ZNF503: variants seen among roughly 807,000 people sequenced by gnomAD.
ZNF503 encodes zinc finger protein 503, also known as NocA-like zinc finger 2.
In ZNF503, 15 loss-of-function variants were observed where a neutral mutation model predicts 34.4. That is an observed-to-expected ratio of 0.44 (90% CI 0.29 to 0.67). The LOEUF is 0.67. Among genes scored for constraint, ZNF503 ranks in the 30% least tolerant of loss-of-function variants. The pLI, the probability that ZNF503 is intolerant of heterozygous loss-of-function variation, is 0.13. For synonymous variants in ZNF503, 580 were observed against 456.8 expected (o/e 1.27, Z -3.44); for missense variants, 1,007 against 926.8 (o/e 1.09, Z -1.12).
chr10:75,320,798 A>G, the ZNF503 span, among the ~76,000 whole-genome samples: 2 of 152,248 alleles, frequency 1.3e-5, no homozygotes, highest in Non-Finnish European at 2.9e-5. Context: ...CTACCATATT[A>G]ACAAGATAAA....
At position 75,399,301 on chromosome 10, in the gene ZNF503, C is replaced by T. The variant is rs199756253; in HGVS notation, c.1389G>A (p.Lys463=). Residue 463 remains lysine (K), a synonymous_variant, in exon 2 of 2, where the codon AAG becomes AAA. Coordinates refer to ENST00000372524, the MANE Select transcript of ZNF503 (RefSeq NM_032772.6). ...HDPAAAAAAL[K]SGYPLVYPTH... ...TGGGGTACACCAGCGGGTATCCGGA[C>T]TTCAGCGCCGCAGCCGCAGCAGCCG... 1,380 of 1,602,280 alleles carry T rather than the reference C, an allele frequency of 8.6e-4. 1 individual carries two copies. The highest frequency in any genetic ancestry group is 1.1e-3 in the Non-Finnish European group (1,323 of 1,175,956).
At chr10:75,396,253 G>A (rs1018275829), downstream of ZNF503, among the ~76,000 whole-genome samples, 2 of 152,204 alleles carry the variant, frequency 1.3e-5, no homozygotes, top group African/African-American at 4.8e-5. This position sits in a 1 kb window ranked among gnomAD's most constrained non-coding sequence, Gnocchi z 4.4. Flanking sequence ...GAGTGGGACC[G>A]GGGCCGCGGC....
chr10:75,280,519 T>C, the ZNF503 span, among the ~76,000 whole-genome samples: 1,253 of 151,690 alleles, frequency 8.3e-3, 12 homozygotes, highest in Middle Eastern at 0.017. Context: ...CTGGAGATGA[T>C]TGTGGTGGGC....
At chr10:75,329,417 TC>T in the ZNF503 span, among the ~76,000 whole-genome samples, 1 of 64,044 alleles carries the variant, frequency 1.6e-5, no homozygotes, top group African/African-American at 5.5e-5. Context: ...TTCCTTCCTT[TC>T]CTTCCTTCCT....
the ZNF503 span, among the ~76,000 whole-genome samples, chr10:75,355,036 G>T: frequency 1.3e-5 from 2 of 152,030 alleles, no homozygotes; most frequent in African/African-American, 2.4e-5. Context: ...GTAGAGACAG[G>T]GTTCCGCCAT....
chr10:75,297,278 T>C, the ZNF503 span, among the ~76,000 whole-genome samples: 2 of 152,114 alleles, frequency 1.3e-5, no homozygotes, highest in African/African-American at 4.8e-5. Context: ...CCCCCGACTC[T>C]AGCTAGGCTG....
the ZNF503 span, among the ~76,000 whole-genome samples, chr10:75,341,882 A>G: frequency 5.3e-5 from 8 of 152,220 alleles, no homozygotes; most frequent in Non-Finnish European, 8.8e-5. Flanking sequence ...GTTCCCACAC[A>G]CTGGGTCTGA....
chr10:75,320,560 G>GT, the ZNF503 span, among the ~76,000 whole-genome samples: 134 of 152,294 alleles, frequency 8.8e-4, no homozygotes, highest in African/African-American at 3.2e-3. Flanking sequence ...GCTTATGCCT[G>GT]TAATCCTAGC....
the ZNF503 span, among the ~76,000 whole-genome samples, chr10:75,294,434 C>T: frequency 1.3e-5 from 2 of 152,312 alleles, no homozygotes; most frequent in Admixed American, 6.5e-5. Context: ...GTTGGGCTTT[C>T]GATCCTAGTT....
the ZNF503 span, among the ~76,000 whole-genome samples, chr10:75,318,940 T>C: frequency 2.6e-5 from 4 of 151,656 alleles, no homozygotes; most frequent in East Asian, 3.9e-4. Context: ...CCTTCTTTCC[T>C]TCCTTCCCTC....
the ZNF503 span, among the ~76,000 whole-genome samples, chr10:75,307,834 T>G: frequency 3.3e-5 from 5 of 152,236 alleles, no homozygotes; most frequent in East Asian, 9.7e-4. Context: ...ATCCCAGCAC[T>G]TTGGGAGGCC....
chr10:75,280,254 A>G, the ZNF503 span: 1 of 152,278 alleles, frequency 6.6e-6, no homozygotes, highest in Non-Finnish European at 1.5e-5. Flanking sequence ...ACATGAGTCC[A>G]TAATGGGACA....
At chr10:75,308,301 C>G in the ZNF503 span, among the ~76,000 whole-genome samples, 1 of 150,622 alleles carries the variant, frequency 6.6e-6, no homozygotes, top group African/African-American at 2.5e-5. Flanking sequence ...CTATTGAGAC[C>G]TACTGCTCAG....
chr10:75,399,710 G>A lies in ZNF503; in HGVS notation c.980C>T (p.Thr327Ile), dbSNP rs1589133510. 1.3e-6 allele frequency: 2 copies of A among 1,599,566 alleles called. No homozygotes were observed. The highest frequency in any genetic ancestry group is 8.5e-7 in the Non-Finnish European group (1 of 1,178,596). Reference sequence around the variant, plus strand: ...CCCAGAGCCCAACACTGAGGAGGAGGTGGGCGCGCTGGGGCCGGAGCCGGA... The same window carrying A: ...CCCAGAGCCCAACACTGAGGAGGAGATGGGCGCGCTGGGGCCGGAGCCGGA... ...SSSGSGPSAPTSSSVLGSGLV... is the reference protein window; with the variant it reads ...SSSGSGPSAPISSSVLGSGLV... Residue 327 changes from threonine (T) to isoleucine (I), a missense_variant, in exon 2 of 2, where the codon ACC (threonine) becomes ATC (isoleucine). Transcript: ENST00000372524.
the ZNF503 span, among the ~76,000 whole-genome samples, chr10:75,289,638 T>C: frequency 6.6e-6 from 1 of 152,076 alleles, no homozygotes; most frequent in African/African-American, 2.4e-5. Flanking sequence ...CAGGCTGGAG[T>C]GCAGTGGTGT....
the ZNF503 span, among the ~76,000 whole-genome samples, chr10:75,335,804 C>T: frequency 6.6e-6 from 1 of 152,192 alleles, no homozygotes. Context: ...TTGTCCCTCC[C>T]TCCTGGCCTT....
In ZNF503 at chr10:75,401,656, G is replaced by A. The variant is rs1041379168; in HGVS notation, c.-237C>T. ...AGCCGGCTGGACTGCGGGAGTGCCG[G>A]GCGGCTCGCGGTGTCCGCCTCGGGC... On this transcript the variant is annotated 5_prime_UTR_variant, in exon 1 of 2. Coordinates refer to ENST00000372524, the MANE Select transcript of ZNF503 (RefSeq NM_032772.6). 1 of 510,392 alleles carries A rather than the reference G, an allele frequency of 2.0e-6. No homozygotes were observed. The highest frequency in any genetic ancestry group is 4.4e-5 in the Admixed American group (1 of 22,800). The allele number at this position is 510,392 out of a possible 1,614,324, so 31.6% of individuals were successfully genotyped here.
chr10:75,376,411 A>G, the ZNF503 span, among the ~76,000 whole-genome samples: 2 of 152,312 alleles, frequency 1.3e-5, no homozygotes, highest in East Asian at 3.9e-4. Flanking sequence ...TGGGATGCTG[A>G]GGTAGGCGGA....
At chr10:75,318,621 A>T in the ZNF503 span, among the ~76,000 whole-genome samples, 1 of 144,686 alleles carries the variant, frequency 6.9e-6, no homozygotes, top group East Asian at 2.1e-4. Flanking sequence ...GTGAGCTGTT[A>T]TTGTGCCACT....
Sources: gnomAD v4.1 joint callset for allele counts (sites outside exome capture counted in the v4.1 genomes callset) on GRCh38, gnomAD v4.1.1 for gene constraint, Gnocchi (gnomAD v3.1) non-coding constraint, MANE v1.5 for transcripts, NCBI Gene and HGNC (gene_info 2026-07-23, HGNC 2026-07-21) for gene names.